The following PDE4B variants were observed in gnomAD, a reference collection of about 807,000 sequenced individuals.
PDE4B encodes the protein phosphodiesterase 4B, also known as 3',5'-cyclic-AMP phosphodiesterase 4B.
PDE4B carries 20 observed loss-of-function variants against 82.2 expected under a neutral mutation model. The ratio of observed to expected loss-of-function variants is 0.24; its 90% CI spans 0.17 to 0.35. The LOEUF (loss-of-function observed/expected upper bound fraction) is 0.35. Ranked by LOEUF, PDE4B falls within the 10% of genes least tolerant of loss-of-function variation. PDE4B has a pLI of 1.00. For synonymous variants in PDE4B, 320 were observed against 318.9 expected (o/e 1.00, Z -0.04); for missense variants, 655 against 907.2 (o/e 0.72, Z 3.57).
intron 3 of PDE4B, among the ~76,000 whole-genome samples, chr1:66,121,141 A>C (rs1448317982): frequency 6.6e-6 from 1 of 152,172 alleles, no homozygotes; most frequent in African/African-American, 2.4e-5. Context: ...CTGAGGAAGT[A>C]AGATATGGAG....
chr1:66,339,046 T>C (rs539852), intron 8 of PDE4B, among the ~76,000 whole-genome samples: 102,671 of 150,326 alleles, frequency 0.68, 35,727 homozygotes, highest in East Asian at 0.89. Context: ...AAGAGATAAG[T>C]TATTCTTATT....
chr1:65,936,037 T>G (rs963422936), intron 3 of PDE4B, among the ~76,000 whole-genome samples: 2 of 152,208 alleles, frequency 1.3e-5, no homozygotes, highest in African/African-American at 4.8e-5. Context: ...CTTTTTTCTT[T>G]TTTTTTCTTT....
chr1:66,006,516 C>T (rs183777312), intron 3 of PDE4B, among the ~76,000 whole-genome samples: 10 of 151,986 alleles, frequency 6.6e-5, no homozygotes, highest in South Asian at 2.1e-4. Flanking sequence ...GAGGCTGAGG[C>T]GAGAAAATTG....
intron 3 of PDE4B, among the ~76,000 whole-genome samples, chr1:66,182,755 T>C (rs144991440): frequency 0.013 from 1,949 of 152,236 alleles, 47 homozygotes; most frequent in African/African-American, 0.045. Flanking sequence ...CTAGTAAACC[T>C]GCACATAAAT....
rs550273960 is a variant in PDE4B at position 66,032,068 on chromosome 1, C to T, written c.281+113233C>T. On this transcript the variant is annotated intron_variant, in intron 3 of 16. Transcript: ENST00000341517. ...TGATCTGGGTTCAAACCATGAACCT[C>T]ACCATCAACTAGGCTTGTTACCAAC... Among the ~76,000 whole-genome samples the T allele has an allele frequency of 2.8e-4, 43 of 152,322 alleles. 2 individuals carry two copies. The East Asian group carries it at 7.5e-3, about 27-fold the overall frequency.
rs553839542 is a variant in PDE4B at position 65,995,080 on chromosome 1, A to T, written c.281+76245A>T. Among the ~76,000 whole-genome samples the T allele has an allele frequency of 2.0e-5, 3 of 152,314 alleles. No individual in the cohort carries two copies. In the South Asian group the frequency reaches 6.2e-4, roughly 32 times the overall value. ...ACAAAATGTTACAATTGCCAAAAAAAATAGGACTTTGATATAATGCTCTAT... is the reference window on the plus strand; with the variant it reads ...ACAAAATGTTACAATTGCCAAAAAATATAGGACTTTGATATAATGCTCTAT... On this transcript the variant is annotated intron_variant, in intron 3 of 16. Coordinates refer to ENST00000341517, the MANE Select transcript of PDE4B (RefSeq NM_002600.4).
chr1:66,153,046 C>T (rs1179555404), intron 3 of PDE4B, among the ~76,000 whole-genome samples: 1 of 152,138 alleles, frequency 6.6e-6, no homozygotes, highest in African/African-American at 2.4e-5. Flanking sequence ...GTACTATAGC[C>T]TAGCCAAGTT....
intron 1 of PDE4B, among the ~76,000 whole-genome samples, chr1:65,910,670 T>G (rs1375706029): frequency 6.6e-6 from 1 of 152,184 alleles, no homozygotes; most frequent in Non-Finnish European, 1.5e-5. Context: ...TACAGCTAAA[T>G]AGGGAGGCCT....
chr1:66,129,144 C>G (rs543829935), intron 3 of PDE4B, among the ~76,000 whole-genome samples: 1 of 152,178 alleles, frequency 6.6e-6, no homozygotes, highest in Admixed American at 6.5e-5. Flanking sequence ...CATCTAGAGA[C>G]GTTGTGTTAT....
intron 6 of PDE4B, among the ~76,000 whole-genome samples, chr1:66,265,406 C>A (rs1355794361): frequency 6.6e-6 from 1 of 152,118 alleles, no homozygotes; most frequent in Admixed American, 6.6e-5. Context: ...GGAGGAGCCC[C>A]AGTACTATGG....
At position 66,186,155 on chromosome 1, in the gene PDE4B, G is replaced by T. The variant is rs145276288; in HGVS notation, c.282-61305G>T. 2.0e-3 allele frequency among the ~76,000 whole-genome samples: 312 copies of T among 152,206 alleles called. 1 individual carries two copies. Among genetic ancestry groups the T allele is most frequent in the Middle Eastern group, 0.017 (5 of 294 alleles). Reference sequence around the variant, plus strand: ...AACATCAGATAGTTTTAGATATGCGGCATTATTTCTGAGGGCTCTTTCTGT... The same window carrying T: ...AACATCAGATAGTTTTAGATATGCGTCATTATTTCTGAGGGCTCTTTCTGT... On this transcript the variant is annotated intron_variant, in intron 3 of 16. Transcript: ENST00000341517.
intron 3 of PDE4B, among the ~76,000 whole-genome samples, chr1:66,177,796 T>G (rs1240725588): frequency 6.6e-6 from 1 of 152,198 alleles, no homozygotes; most frequent in Non-Finnish European, 1.5e-5. Context: ...GCCACAGGAA[T>G]GCCCTGAAGC....
chr1:66,075,093 G>T (rs1656349262), intron 3 of PDE4B, among the ~76,000 whole-genome samples: 1 of 151,942 alleles, frequency 6.6e-6, no homozygotes, highest in African/African-American at 2.4e-5. Flanking sequence ...TGTAGAGGAG[G>T]GCTACTCCAC....
chr1:66,271,253 G>A (rs573963159), intron 7 of PDE4B, among the ~76,000 whole-genome samples: 88 of 152,312 alleles, frequency 5.8e-4, no homozygotes, highest in South Asian at 4.8e-3. Flanking sequence ...TGCAAATTTA[G>A]CATAAATATT....
intron 3 of PDE4B, among the ~76,000 whole-genome samples, chr1:66,000,910 G>T (rs1199514949): frequency 2.0e-5 from 3 of 152,154 alleles, no homozygotes; most frequent in African/African-American, 7.2e-5. Context: ...TCGAAAAAGA[G>T]GGTGGTGATG....
At chr1:65,841,171 G>A (rs966758755) in intron 1 of PDE4B, among the ~76,000 whole-genome samples, 1 of 152,000 alleles carries the variant, frequency 6.6e-6, no homozygotes, top group Non-Finnish European at 1.5e-5. Flanking sequence ...GGTGGCACAT[G>A]CCTGTAATCC....
intron 3 of PDE4B, among the ~76,000 whole-genome samples, chr1:66,115,574 CA>C (rs1485911584): frequency 6.6e-6 from 1 of 152,186 alleles, no homozygotes; most frequent in Non-Finnish European, 1.5e-5. Flanking sequence ...ATATGTTAAT[CA>C]AACATGAAAT....
intron 3 of PDE4B, among the ~76,000 whole-genome samples, chr1:66,018,492 G>T (rs888877957): frequency 2.0e-5 from 3 of 152,144 alleles, no homozygotes; most frequent in Admixed American, 2.0e-4. Context: ...GATTCTGCTT[G>T]AATAAATTTT....
At chr1:66,022,892 C>T (rs894622565) in intron 3 of PDE4B, among the ~76,000 whole-genome samples, 1 of 152,074 alleles carries the variant, frequency 6.6e-6, no homozygotes, top group South Asian at 2.1e-4. Flanking sequence ...GGTACCAGTT[C>T]CTCTTTGTAC....
Sources: gnomAD v4.1 joint callset for allele counts (sites outside exome capture counted in the v4.1 genomes callset) on GRCh38, gnomAD v4.1.1 for gene constraint, MANE v1.5 for transcripts, NCBI Gene and HGNC (gene_info 2026-07-23, HGNC 2026-07-21) for gene names.